The following ACOT7 variants were observed in gnomAD, a reference collection of about 807,000 sequenced individuals.
ACOT7 encodes the protein acyl-CoA thioesterase 7, also known as cytosolic acyl coenzyme A thioester hydrolase.
A neutral mutation model predicts 40.2 loss-of-function variants in ACOT7; 12 were observed. The observed-to-expected ratio is 0.30, with a 90% CI of 0.19 to 0.48. ACOT7 has a LOEUF of 0.48. Ranked by LOEUF, ACOT7 falls within the 20% of genes least tolerant of loss-of-function variation. ACOT7 has a pLI of 0.99. For synonymous variants in ACOT7, 228 were observed against 219.5 expected (o/e 1.04, Z -0.34); for missense variants, 395 against 530.8 (o/e 0.74, Z 2.51).
chr1:6,329,370 A>G (rs571011919), intron 4 of ACOT7, among the ~76,000 whole-genome samples: 16 of 152,218 alleles, frequency 1.1e-4, no homozygotes, highest in African/African-American at 3.6e-4. Flanking sequence ...CCATAAATAA[A>G]CCACGTCCTA....
intron 1 of ACOT7, among the ~76,000 whole-genome samples, chr1:6,375,831 G>A (rs183680670): frequency 4.5e-4 from 69 of 151,694 alleles, no homozygotes; most frequent in African/African-American, 1.0e-3. Context: ...CCAGCTGCTC[G>A]GGAGGCCGAG....
rs1383466653 is a variant in ACOT7 at position 6,393,575 on chromosome 1, C to T, written c.-176G>A. The T allele has an allele frequency of 6.1e-6, 3 of 492,322 alleles. No individual in the cohort carries two copies. The highest frequency in any genetic ancestry group is 1.0e-4 in the South Asian group (1 of 9,678). 30.5% of individuals were successfully genotyped at this position (492,322 alleles called of 1,614,324 possible). A position where few individuals can be genotyped will look rare whatever the true frequency, so the allele number is the denominator to read the frequency against. ...TCGCGCGGGCGTACGATTCTGGCGG[C>T]GTGGGGGCCCAGGCAGCCGCCGCTT... On this transcript the variant is annotated 5_prime_UTR_variant, in exon 1 of 9. Coordinates refer to ENST00000361521, the MANE Select transcript of ACOT7 (RefSeq NM_007274.4).
intron 7 of ACOT7, among the ~76,000 whole-genome samples, chr1:6,290,549 G>A (rs72854323): frequency 0.03 from 4,502 of 152,294 alleles, 173 homozygotes; most frequent in African/African-American, 0.086. Flanking sequence ...TTCCATAAAC[G>A]TATGATTTTA....
chr1:6,272,358 T>C (rs1571257796), intron 8 of ACOT7, among the ~76,000 whole-genome samples: 1 of 152,236 alleles, frequency 6.6e-6, no homozygotes, highest in African/African-American at 2.4e-5. Flanking sequence ...CAATGAACAC[T>C]GGCATCATCT....
In ACOT7 at chr1:6,299,885, T is replaced by C. The variant is rs1427417875; in HGVS notation, c.713-4905A>G. Among the ~76,000 whole-genome samples the C allele has an allele frequency of 2.0e-5, 3 of 152,038 alleles. No individual in the cohort carries two copies. The highest frequency in any genetic ancestry group is 4.4e-5 in the Non-Finnish European group (3 of 68,024). ...TCCACGGCATTTCCCACAGACCAAC[T>C]CTAAATACTGCCCTGGGCAGCCAAC... On this transcript the variant is annotated intron_variant, in intron 6 of 8. Transcript: ENST00000361521. This position sits in a 1 kb window ranked among gnomAD's most constrained non-coding sequence, Gnocchi z 4.1.
intron 1 of ACOT7, among the ~76,000 whole-genome samples, chr1:6,391,706 G>A (rs1642536440): frequency 6.6e-6 from 1 of 152,096 alleles, no homozygotes; most frequent in South Asian, 2.1e-4. Context: ...GCTGTCCCTG[G>A]ATCTCCTGGA....
At chr1:6,331,204 G>A (rs1056449079) in intron 4 of ACOT7, among the ~76,000 whole-genome samples, 17 of 152,202 alleles carry the variant, frequency 1.1e-4, no homozygotes, top group African/African-American at 3.6e-4. Flanking sequence ...GCAGTGGGTT[G>A]AACAGCATCC....
Position 6,301,895 on chromosome 1 carries a change from C to T in ACOT7, c.713-6915G>A, listed in dbSNP as rs1295257580. On this transcript the variant is annotated intron_variant, in intron 6 of 8. Transcript: ENST00000361521. The surrounding 1 kb of genome is among the most constrained non-coding windows in gnomAD (Gnocchi z 4.1). ...GGACAGCCTCCTCCAGCCCCAGCAG[C>T]CAGCACACACGCACCGGCCTGGGAA... 6.6e-6 allele frequency among the ~76,000 whole-genome samples: 1 copy of T among 152,212 alleles called. No individual in the cohort carries two copies. The highest frequency in any genetic ancestry group is 2.4e-5 in the African/African-American group (1 of 41,444).
Position 6,275,905 on chromosome 1 carries a change from G to A in ACOT7, c.1014+5197C>T, listed in dbSNP as rs576613652. ...TGGGCTCCCTCCAGTTTGGAAGCCT[G>A]CTTTGCAAAGACCCTGCCCTGCATA... On this transcript the variant is annotated intron_variant, in intron 8 of 8. Transcript: ENST00000361521. The surrounding 1 kb of genome is among the most constrained non-coding windows in gnomAD (Gnocchi z 5.6). 6.6e-6 allele frequency among the ~76,000 whole-genome samples: 1 copy of A among 152,236 alleles called. No homozygotes were observed. The highest frequency in any genetic ancestry group is 1.9e-4 in the East Asian group (1 of 5,176).
chr1:6,376,061 C>T (rs1051331682), intron 1 of ACOT7, among the ~76,000 whole-genome samples: 1 of 152,054 alleles, frequency 6.6e-6, no homozygotes, highest in Admixed American at 6.5e-5. Flanking sequence ...TCGAGACCAG[C>T]CTGGCCAACA....
chr1:6,368,399 C>T (rs766719758), intron 1 of ACOT7, among the ~76,000 whole-genome samples: 10 of 152,296 alleles, frequency 6.6e-5, no homozygotes, highest in East Asian at 1.9e-4. Flanking sequence ...TCCCACTTCC[C>T]GCCCCAGGGC....
chr1:6,361,318 G>A (rs1641889093), intron 1 of ACOT7, among the ~76,000 whole-genome samples: 1 of 152,164 alleles, frequency 6.6e-6, no homozygotes, highest in African/African-American at 2.4e-5. Context: ...TGGGGGGCAG[G>A]GGCTGGAGGA....
In ACOT7 at chr1:6,281,238, G is replaced by T; in HGVS notation, c.878C>A (p.Ser293Tyr). 1 of 1,613,740 alleles carries T rather than the reference G, an allele frequency of 6.2e-7. No individual in the cohort carries two copies. Among genetic ancestry groups the T allele is most frequent in the Non-Finnish European group, 8.5e-7 (1 of 1,180,006 alleles). The change falls in exon 8 of 9, where the codon TCC becomes TAC. Residue 293 changes from serine (S) to tyrosine (Y), a missense_variant. Physicochemically the swap from Ser to Tyr is moderately radical, Grantham distance 144. Coordinates refer to ENST00000361521, the MANE Select transcript of ACOT7 (RefSeq NM_007274.4). ...SGRMTFTSNK[S>Y]MEIEVLVDAD... ...GTCCACCAACACCTCGATCTCCATG[G>T]ACTTATTGCTCGTGAAGGTCATGCG...
At chr1:6,345,302 A>T (rs930665971) in intron 2 of ACOT7, among the ~76,000 whole-genome samples, 1 of 152,244 alleles carries the variant, frequency 6.6e-6, no homozygotes, top group Non-Finnish European at 1.5e-5. Flanking sequence ...AGCAAACCAC[A>T]GGCACTGGGT....
At chr1:6,377,328 G>C (rs1194364708) in intron 1 of ACOT7, among the ~76,000 whole-genome samples, 1 of 152,056 alleles carries the variant, frequency 6.6e-6, no homozygotes, top group African/African-American at 2.4e-5. Context: ...TTGAGCCCAA[G>C]AGTTCGAGAC....
At chr1:6,336,045 G>A (rs1641091977) in intron 3 of ACOT7, among the ~76,000 whole-genome samples, 1 of 152,174 alleles carries the variant, frequency 6.6e-6, no homozygotes, top group Non-Finnish European at 1.5e-5. Flanking sequence ...GACAACGGCA[G>A]TATTAGAAAA....
intron 6 of ACOT7, among the ~76,000 whole-genome samples, chr1:6,305,538 C>G (rs1640120381): frequency 6.6e-6 from 1 of 151,062 alleles, no homozygotes; most frequent in Non-Finnish European, 1.5e-5. Flanking sequence ...CAGAGGGTCT[C>G]CTCACTTCTC....
chr1:6,267,670 C>T (rs1344000187), intron 8 of ACOT7, among the ~76,000 whole-genome samples: 2 of 152,256 alleles, frequency 1.3e-5, no homozygotes, highest in Non-Finnish European at 2.9e-5. Context: ...CTTTCTCAAA[C>T]TGAGCTGGCC....
chr1:6,340,297 A>G (rs1255100882), intron 2 of ACOT7, among the ~76,000 whole-genome samples: 7 of 152,194 alleles, frequency 4.6e-5, no homozygotes, highest in Non-Finnish European at 8.8e-5. Context: ...ACAAAAGCAC[A>G]GGGATGTAGA....
Sources: gnomAD v4.1 joint callset for allele counts (sites outside exome capture counted in the v4.1 genomes callset) on GRCh38, gnomAD v4.1.1 for gene constraint, Gnocchi (gnomAD v3.1) non-coding constraint, MANE v1.5 for transcripts, NCBI Gene and HGNC (gene_info 2026-07-23, HGNC 2026-07-21) for gene names.